The following MACC1 variants were observed in gnomAD, a reference collection of about 807,000 sequenced individuals.
MACC1 encodes the protein metastasis-associated in colon cancer protein 1.
In MACC1, 79 loss-of-function variants were observed where a neutral mutation model predicts 70.7. The observed-to-expected ratio is 1.12, with a 90% CI of 0.93 to 1.35. The LOEUF is 1.35. MACC1 is among the 40% of genes most tolerant of loss of function. The pLI is 0.00. For synonymous variants in MACC1, 361 were observed against 347.2 expected, an observed-to-expected ratio of 1.04 and a Z score of -0.44; for missense variants, 1,106 against 978.1, an observed-to-expected ratio of 1.13 and a Z score of -1.74.
chr7:20,180,565 C>T (rs1469088911), intron 1 of MACC1, among the ~76,000 whole-genome samples: 2 of 151,956 alleles, frequency 1.3e-5, no homozygotes, highest in Non-Finnish European at 2.9e-5. Flanking sequence ...CTAAAGTGTG[C>T]CTGGGCGCAG....
intron 6 of MACC1, among the ~76,000 whole-genome samples, chr7:20,141,626 C>G (rs1191813504): frequency 6.6e-6 from 1 of 152,004 alleles, no homozygotes; most frequent in East Asian, 1.9e-4. Flanking sequence ...TCGAGCAAGT[C>G]TATAAACAAG....
chr7:20,135,843 CA>C lies in MACC1; in HGVS notation c.*5102del, dbSNP rs1411380573. ...AAACAGCTGGAAGTCACCAATTGTT[CA>C]AAAACAGTGTGTATTACATAATCAA... On this transcript the variant is annotated 3_prime_UTR_variant, in exon 7 of 7. Transcript: ENST00000400331. 1 of 151,980 alleles carries C rather than the reference CA, an allele frequency of 6.6e-6. No individual in the cohort carries two copies. The highest frequency in any genetic ancestry group is 6.6e-5 in the Admixed American group (1 of 15,248). 9.4% of individuals were successfully genotyped at this position (151,980 alleles called of 1,614,324 possible). A position where few individuals can be genotyped will look rare whatever the true frequency, so the allele number is the denominator to read the frequency against.
chr7:20,136,820 T>C lies in MACC1; in HGVS notation c.*4126A>G, dbSNP rs567277821. ...GCGATTAAGGATTATTATTAATTCT[T>C]AAAGATTAAGATTATTATTAATTAT... is the stretch of plus-strand genomic sequence containing the variant. On this transcript the variant is annotated 3_prime_UTR_variant, in exon 7 of 7. Transcript: ENST00000400331. 6.6e-6 allele frequency: 1 copy of C among 150,570 alleles called. No homozygotes were observed. The highest frequency in any genetic ancestry group is 2.4e-5 in the African/African-American group (1 of 41,296). 9.3% of individuals were successfully genotyped at this position (150,570 alleles called of 1,614,324 possible).
chr7:20,158,334 A>G lies in MACC1; in HGVS notation c.2027T>C (p.Leu676Pro), dbSNP rs750604766. 4 of 1,613,848 alleles carry G rather than the reference A, an allele frequency of 2.5e-6. No individual in the cohort carries two copies. The highest frequency in any genetic ancestry group is 3.3e-5 in the Admixed American group (2 of 59,946). Reference sequence around the variant, plus strand: ...AATTTGATCAAAATCTTCCAGGGACAGATGTGAGTAACCCAGGACATCAGC... The same window carrying G: ...AATTTGATCAAAATCTTCCAGGGACGGATGTGAGTAACCCAGGACATCAGC... ...VLADVLGYSHLSLEDFDQIQA... is the reference protein window; with the variant it reads ...VLADVLGYSHPSLEDFDQIQA... Residue 676 changes from leucine (L) to proline (P), a missense_variant, in exon 5 of 7, where the codon CTG (leucine) becomes CCG (proline). By Grantham distance (98) the Leu-to-Pro change is moderately conservative. Coordinates refer to ENST00000400331, the MANE Select transcript of MACC1 (RefSeq NM_182762.4).
intron 5 of MACC1, among the ~76,000 whole-genome samples, chr7:20,157,172 G>A (rs1267849510): frequency 5.9e-5 from 9 of 152,158 alleles, no homozygotes; most frequent in African/African-American, 1.9e-4. Flanking sequence ...CCATAGAGTT[G>A]TTAATGGCTA....
chr7:20,141,943 A>G (rs995749159), intron 6 of MACC1: 2 of 142,570 alleles, frequency 1.4e-5, no homozygotes, highest in African/African-American at 2.8e-5. Context: ...ACACACACGC[A>G]CACACACACA....
chr7:20,149,019 G>A (rs778046036), intron 6 of MACC1, among the ~76,000 whole-genome samples: 6 of 152,190 alleles, frequency 3.9e-5, no homozygotes, highest in Admixed American at 6.5e-5. Flanking sequence ...CAACATCCCT[G>A]TAAGCAGAAT....
At chr7:20,183,272 C>A (rs752618198) in intron 1 of MACC1, among the ~76,000 whole-genome samples, 1 of 152,184 alleles carries the variant, frequency 6.6e-6, no homozygotes, top group African/African-American at 2.4e-5. Flanking sequence ...TATGAGCAGC[C>A]TCTAAGAGCT....
At chr7:20,212,797 G>C (rs889004455) in intron 1 of MACC1, among the ~76,000 whole-genome samples, 9 of 151,970 alleles carry the variant, frequency 5.9e-5, no homozygotes, top group African/African-American at 1.9e-4. Flanking sequence ...AGACCACCAA[G>C]CTTAAAAACT....
chr7:20,201,101 T>A (rs1782827336), intron 1 of MACC1, among the ~76,000 whole-genome samples: 1 of 152,090 alleles, frequency 6.6e-6, no homozygotes, highest in East Asian at 1.9e-4. Context: ...CAAATTTAAG[T>A]GAATCTCATT....
rs373814298 is a variant in MACC1 at position 20,138,876 on chromosome 7, G to T, written c.*2070C>A. Reference sequence around the variant, plus strand: ...TTTAGTAGAGACGGGGTTTCACCGCGTTAGCCAGGATGGTCTCGATCTCCT... The same window carrying T: ...TTTAGTAGAGACGGGGTTTCACCGCTTTAGCCAGGATGGTCTCGATCTCCT... On this transcript the variant is annotated 3_prime_UTR_variant, in exon 7 of 7. Transcript: ENST00000400331. The T allele has an allele frequency of 6.6e-6, 1 of 152,132 alleles. No homozygotes were observed. Among genetic ancestry groups the T allele is most frequent in the Non-Finnish European group, 1.5e-5 (1 of 68,056 alleles). The allele number at this position is 152,132 out of a possible 1,614,324, so 9.4% of individuals were successfully genotyped here. A position where few individuals can be genotyped will look rare whatever the true frequency, so the allele number is the denominator to read the frequency against.
At chr7:20,200,490 A>C (rs1782818465) in intron 1 of MACC1, among the ~76,000 whole-genome samples, 1 of 152,234 alleles carries the variant, frequency 6.6e-6, no homozygotes, top group Admixed American at 6.5e-5. Context: ...AAGAGAAAGT[A>C]AATTGTTGTC....
chr7:20,200,457 C>G (rs1404205095), intron 1 of MACC1, among the ~76,000 whole-genome samples: 2 of 152,178 alleles, frequency 1.3e-5, no homozygotes, highest in African/African-American at 4.8e-5. Flanking sequence ...TACCAATTTA[C>G]TGGTCATAAC....
At chr7:20,184,882 T>C (rs1324145303) in intron 1 of MACC1, 1 of 152,196 alleles carries the variant, frequency 6.6e-6, no homozygotes, top group African/African-American at 2.4e-5. Flanking sequence ...ATATTATTTC[T>C]TATTTTCTTT....
At position 20,148,359 on chromosome 7, in the gene MACC1, T is replaced by TAAA. The variant is rs1254865394; in HGVS notation, c.2346+5833_2346+5834insTTT. Among the ~76,000 whole-genome samples the TAAA allele has an allele frequency of 1.7e-4, 26 of 152,318 alleles. No homozygotes were observed. In the East Asian group the frequency reaches 4.8e-3, roughly 28 times the overall value. ...ACCTTGCTATAAATCTAGGGCCATT[T>TAAA]TACTAAAGTATTGCCACAACTTTAT... On this transcript the variant is annotated intron_variant, in intron 6 of 6. Coordinates refer to ENST00000400331, the MANE Select transcript of MACC1 (RefSeq NM_182762.4).
intron 1 of MACC1, among the ~76,000 whole-genome samples, chr7:20,188,983 C>T (rs940686022): frequency 3.9e-5 from 6 of 152,194 alleles, no homozygotes; most frequent in Admixed American, 1.3e-4. Context: ...GATCATCTCA[C>T]GTAGACTCTA....
intron 1 of MACC1, among the ~76,000 whole-genome samples, chr7:20,207,331 T>C (rs1311147372): frequency 1.3e-5 from 2 of 151,392 alleles, no homozygotes; most frequent in East Asian, 3.9e-4. Context: ...TTTTTTTTTT[T>C]AGTAGAGACG....
At chr7:20,196,936 A>G (rs1450583724) in intron 1 of MACC1, among the ~76,000 whole-genome samples, 1 of 152,184 alleles carries the variant, frequency 6.6e-6, no homozygotes, top group South Asian at 2.1e-4. Flanking sequence ...CTAATTTTCT[A>G]TGGTACACAT....
rs1782815659 is a variant in MACC1, at chr7:20,200,367, C to T, written c.-218+16932G>A. On this transcript the variant is annotated intron_variant, in intron 1 of 6. Transcript: ENST00000400331. ...CACTATTAAGTTATACTTCAAAATA[C>T]TGATAAATACCAAAGAAAACACACG... 2.0e-5 allele frequency among the ~76,000 whole-genome samples: 3 copies of T among 152,104 alleles called. No homozygotes were observed. The South Asian group carries it at 6.2e-4, about 32-fold the overall frequency.
Sources: allele counts gnomAD v4.1 joint callset (sites outside exome capture counted in the v4.1 genomes callset), GRCh38; gene constraint gnomAD v4.1.1; transcripts MANE v1.5; gene names NCBI Gene and HGNC (gene_info 2026-07-23, HGNC 2026-07-21).